Variants in CCDC157 observed in about 807,000 individuals in gnomAD.
CCDC157 encodes coiled-coil domain-containing protein 157.
In CCDC157, 60 loss-of-function variants were observed where a neutral mutation model predicts 70.9. That is an observed-to-expected ratio of 0.85 (90% CI 0.69 to 1.05). The LOEUF (loss-of-function observed/expected upper bound fraction) is 1.05, where lower values mean the gene tolerates loss of function less well. CCDC157 is among the 50% of genes least tolerant of loss of function. The pLI is 0.00. For missense variants in CCDC157, 943 were observed against 984.2 expected, an observed-to-expected ratio of 0.96 and a Z score of 0.56; for synonymous variants, 373 against 422.4, an observed-to-expected ratio of 0.88 and a Z score of 1.43.
At position 30,370,308 on chromosome 22, in the gene CCDC157, G is replaced by T; in HGVS notation, c.421-18G>T. 1 of 1,610,904 alleles carries T rather than the reference G, an allele frequency of 6.2e-7. No homozygotes were observed. Among genetic ancestry groups the T allele is most frequent in the South Asian group, 1.1e-5 (1 of 91,042 alleles). ...CTCTCTCCCTCACCTGCTTTCCCTT[G>T]TCTTTTTCTGAACACAGAAAGGGGC... On this transcript the variant is annotated intron_variant, in intron 4 of 11. Transcript: ENST00000338306.
chr22:30,375,120 A>G (rs1933256131), intron 9 of CCDC157: 2 of 291,120 alleles, frequency 6.9e-6, no homozygotes, highest in South Asian at 6.4e-5. Context: ...CACCACACCC[A>G]GCTCATTTTT....
At chr22:30,376,370 T>G in intron 11 of CCDC157, 23 bp downstream of exon 11, 1 of 1,612,240 alleles carries the variant, frequency 6.2e-7, no homozygotes, top group Non-Finnish European at 8.5e-7. Context: ...TTACTGGAGG[T>G]GGGGCAGGTG....
intron 5 of CCDC157, 60 bp from the exon 6 acceptor site, chr22:30,371,590 T>C (rs1601738201): frequency 7.0e-7 from 1 of 1,431,964 alleles, no homozygotes; most frequent in Non-Finnish European, 9.9e-7. Context: ...ACACTGGGCA[T>C]GAAGGCCGCC....
chr22:30,369,604 G>T lies in CCDC157; in HGVS notation c.420+1G>T. 1 of 1,546,534 alleles carries T rather than the reference G, an allele frequency of 6.5e-7. No homozygotes were observed. Among genetic ancestry groups the T allele is most frequent in the South Asian group, 1.2e-5 (1 of 84,420 alleles). ...GCTCCACCAGCAGCCACTCCCCCAG[G>T]TGGGTCCCAGCCTCTGTCTCAGGTG... is the stretch of plus-strand genomic sequence containing the variant. On this transcript the variant is annotated splice_donor_variant, in intron 4 of 11. Coordinates refer to ENST00000338306, the MANE Select transcript of CCDC157 (RefSeq NM_001017437.5). LOFTEE classifies it high-confidence loss of function.
chr22:30,373,543 C>T, intron 7 of CCDC157, 54 bp from the exon 8 acceptor site: 1 of 1,540,708 alleles, frequency 6.5e-7, no homozygotes, highest in Admixed American at 2.0e-5. Context: ...TTCCACATGG[C>T]TGGGCCTAGC....
rs1601713372 is a variant in CCDC157, at chr22:30,360,001, C to G, written c.-165-1960C>G. Reference sequence around the variant, plus strand: ...CTTTACAAAAAACAAAAAAATTAGCCAGGTGCGGTGGCACCCACCTGTAGT... The same window carrying G: ...CTTTACAAAAAACAAAAAAATTAGCGAGGTGCGGTGGCACCCACCTGTAGT... On this transcript the variant is annotated intron_variant, in intron 1 of 11. Transcript: ENST00000338306. 2.0e-5 allele frequency among the ~76,000 whole-genome samples: 3 copies of G among 152,242 alleles called. No homozygotes were observed. The East Asian group carries it at 5.8e-4, about 29-fold the overall frequency.
rs945215906 is a variant in CCDC157, at chr22:30,375,652, G to A, written c.1846G>A (p.Gly616Ser). Reference sequence around the variant, plus strand: ...CAAAATCCGGGAAGTGGCCCAGCAGGGTGGCCTCAAGGTGGGCCTGAGAGG... The same window carrying A: ...CAAAATCCGGGAAGTGGCCCAGCAGAGTGGCCTCAAGGTGGGCCTGAGAGG... ...LSKIREVAQQ[G>S]GLKLIPQDRL... The change falls in exon 10 of 12, where the codon GGT becomes AGT. Residue 616 changes from glycine to serine, a missense_variant. Transcript: ENST00000338306. The A allele has an allele frequency of 1.2e-6, 2 of 1,613,180 alleles. No individual in the cohort carries two copies. The highest frequency in any genetic ancestry group is 1.7e-6 in the Non-Finnish European group (2 of 1,179,528).
intron 10 of CCDC157, 107 bp from the exon 11 acceptor site, chr22:30,376,152 A>C (rs1202796211): frequency 1.6e-5 from 16 of 989,874 alleles, no homozygotes; most frequent in Non-Finnish European, 2.1e-5. Context: ...GCCCATGGAT[A>C]TGCGCCCGGC....
chr22:30,357,119 G>A lies in CCDC157; in HGVS notation c.-179G>A. On this transcript the variant is annotated 5_prime_UTR_variant, in exon 1 of 12. Coordinates refer to ENST00000338306, the MANE Select transcript of CCDC157 (RefSeq NM_001017437.5). Reference sequence around the variant, plus strand: ...GACCAGACACGAAGGCTGAAGCCGCGACGCCGAAGACAGGTGAGATGTTGT... The same window carrying A: ...GACCAGACACGAAGGCTGAAGCCGCAACGCCGAAGACAGGTGAGATGTTGT... 3.7e-6 allele frequency: 1 copy of A among 272,386 alleles called. No individual in the cohort carries two copies. Among genetic ancestry groups the A allele is most frequent in the East Asian group, 6.3e-5 (1 of 15,914 alleles). The allele number at this position is 272,386 out of a possible 1,614,324, so 16.9% of individuals were successfully genotyped here. A position where few individuals can be genotyped will look rare whatever the true frequency, so the allele number is the denominator to read the frequency against.
intron 2 of CCDC157, among the ~76,000 whole-genome samples, chr22:30,364,196 G>T (rs768240619): frequency 3.9e-5 from 6 of 152,184 alleles, no homozygotes; most frequent in Non-Finnish European, 7.3e-5. Context: ...AATTAGCTAG[G>T]TGTAGTGGCA....
At chr22:30,376,075 TG>T in intron 10 of CCDC157, 183 bp from the exon 11 acceptor site, 1 of 590,968 alleles carries the variant, frequency 1.7e-6, no homozygotes, top group South Asian at 2.2e-5. Flanking sequence ...ACTTGCTGCC[TG>T]CCCAAGGCTC....
intron 3 of CCDC157, chr22:30,369,034 C>T (rs1932824474): frequency 6.4e-6 from 1 of 155,620 alleles, no homozygotes; most frequent in South Asian, 2.1e-4. Context: ...AGCTCTTCCC[C>T]TCTCTGGGTC....
chr22:30,362,624 G>C (rs955616581), intron 2 of CCDC157, among the ~76,000 whole-genome samples: 3 of 152,200 alleles, frequency 2.0e-5, no homozygotes, highest in African/African-American at 7.2e-5. Context: ...GTACAACCAG[G>C]ATGGACCAGG....
At position 30,377,786 on chromosome 22, in the gene CCDC157, G is replaced by T. The variant is rs184027056; in HGVS notation, c.*1041G>T. 1 of 255,872 alleles carries T rather than the reference G, an allele frequency of 3.9e-6. No homozygotes were observed. Among genetic ancestry groups the T allele is most frequent in the East Asian group, 9.8e-5 (1 of 10,186 alleles). The allele number at this position is 255,872 out of a possible 1,614,324, so 15.9% of individuals were successfully genotyped here. A position where few individuals can be genotyped will look rare whatever the true frequency, so the allele number is the denominator to read the frequency against. Reference sequence around the variant, plus strand: ...CATCCCTCAGCACCCTGAGCCAGAAGGCCTGTGCTCAAGTCCAGGGGAAGG... The same window carrying T: ...CATCCCTCAGCACCCTGAGCCAGAATGCCTGTGCTCAAGTCCAGGGGAAGG... On this transcript the variant is annotated 3_prime_UTR_variant, in exon 12 of 12. Transcript: ENST00000338306.
chr22:30,376,570 C>T lies in CCDC157; in HGVS notation c.2084C>T (p.Thr695Ile), dbSNP rs377101153. Residue 695 changes from threonine (T) to isoleucine (I), a missense_variant, in exon 12 of 12, where the codon ACA (threonine) becomes ATA (isoleucine). Physicochemically the swap from Thr to Ile is moderately conservative, Grantham distance 89. Transcript: ENST00000338306. ...ACATCCCCACCTCGGCAGCCCTGCACATCCCCATCTCGGCAGCCCTGCAGC... is the reference window on the plus strand; with the variant it reads ...ACATCCCCACCTCGGCAGCCCTGCATATCCCCATCTCGGCAGCCCTGCAGC... ...PCTSPPRQPCTSPSRQPCSQP... is the reference protein window; with the variant it reads ...PCTSPPRQPCISPSRQPCSQP... 1 of 1,611,644 alleles carries T rather than the reference C, an allele frequency of 6.2e-7. No homozygotes were observed. Among genetic ancestry groups the T allele is most frequent in the Non-Finnish European group, 8.5e-7 (1 of 1,179,640 alleles).
chr22:30,371,907 C>T (rs540407405), intron 6 of CCDC157, 168 bp from the exon 7 acceptor site: 9 of 731,676 alleles, frequency 1.2e-5, no homozygotes, highest in South Asian at 3.7e-5. Flanking sequence ...CACCTCCTAC[C>T]GAGAAAGCGC....
chr22:30,356,707 G>T (rs5994293), upstream of CCDC157: 697,977 of 1,459,682 alleles, frequency 0.48, 174,109 homozygotes, highest in South Asian at 0.77. Context: ...CCGGCTGCAG[G>T]CTGAGGGGCG....
At chr22:30,356,927 G>A, upstream of CCDC157, 3 of 715,168 alleles carry the variant, frequency 4.2e-6, no homozygotes, top group East Asian at 3.4e-5. Context: ...GCGAAGGTAC[G>A]ACTGGCGCAC....
In CCDC157 at chr22:30,375,579, C is replaced by T; in HGVS notation, c.1773C>T (p.Arg591=). The stretch of plus-strand genomic sequence containing the variant: ...GGCAAGTGCAGTCCAACGACATCCG[C>T]ATCCGGGTCCTACAGGAGGAGAACG... ...MERQVQSNDI[R]IRVLQEENGR... The change falls in exon 10 of 12, where the codon CGC becomes CGT. Residue 591 remains arginine (R), a synonymous_variant. Coordinates refer to ENST00000338306, the MANE Select transcript of CCDC157 (RefSeq NM_001017437.5). 1 of 1,614,238 alleles carries T rather than the reference C, an allele frequency of 6.2e-7. No individual in the cohort carries two copies. Among genetic ancestry groups the T allele is most frequent in the Non-Finnish European group, 8.5e-7 (1 of 1,180,044 alleles).
Sources: allele counts gnomAD v4.1 joint callset (sites outside exome capture counted in the v4.1 genomes callset), GRCh38; gene constraint gnomAD v4.1.1; transcripts MANE v1.5; gene names NCBI Gene and HGNC (gene_info 2026-07-23, HGNC 2026-07-21).